The following SEMA3D variants were observed in gnomAD, a reference collection of about 807,000 sequenced individuals.
SEMA3D encodes semaphorin 3D.
Under a neutral mutation model 100.1 loss-of-function variants are expected in SEMA3D, and 84 were observed. The ratio of observed to expected loss-of-function variants is 0.84; its 90% CI spans 0.70 to 1.01. The LOEUF (loss-of-function observed/expected upper bound fraction) is 1.01. Ranked by LOEUF, SEMA3D falls within the 50% of genes least tolerant of loss-of-function variation. The probability of loss-of-function intolerance (pLI) is 0.00; values close to 1 mark genes in which losing one functional copy is unlikely to be tolerated. For synonymous variants in SEMA3D, 312 were observed against 320.7 expected (o/e 0.97, Z 0.29); for missense variants, 875 against 934.1 (o/e 0.94, Z 0.82).
At chr7:85,140,749 G>T in intron 2 of SEMA3D, 1 of 974,540 alleles carries the variant, frequency 1.0e-6, no homozygotes, top group Non-Finnish European at 1.2e-6. Flanking sequence ...CTGGGGATTG[G>T]CCTAATAATG....
chr7:85,060,677 A>T (rs2286190), intron 8 of SEMA3D, among the ~76,000 whole-genome samples: 52,877 of 151,540 alleles, frequency 0.35, 10,103 homozygotes, highest in African/African-American at 0.53. Flanking sequence ...TCCCTATGAA[A>T]CTCTTTTCAC....
chr7:85,154,826 T>C (rs1790536788), intron 1 of SEMA3D, among the ~76,000 whole-genome samples: 1 of 152,092 alleles, frequency 6.6e-6, no homozygotes, highest in South Asian at 2.1e-4. Flanking sequence ...GAACACATAA[T>C]CTAAAGAGAA....
At chr7:85,136,198 C>T (rs181045639) in intron 2 of SEMA3D, among the ~76,000 whole-genome samples, 2 of 152,080 alleles carry the variant, frequency 1.3e-5, no homozygotes, top group Non-Finnish European at 2.9e-5. Flanking sequence ...GCAACGAATT[C>T]TTGATTATAA....
the SEMA3D span, among the ~76,000 whole-genome samples, chr7:85,239,737 C>T: frequency 6.6e-6 from 1 of 152,160 alleles, no homozygotes; most frequent in South Asian, 2.1e-4. Flanking sequence ...CAGTTGTAGT[C>T]GATAGCTACT....
chr7:84,998,050 A>G lies in SEMA3D; in HGVS notation c.*1390T>C, dbSNP rs555863119. 1 of 152,308 alleles carries G rather than the reference A, an allele frequency of 6.6e-6. No homozygotes were observed. Among genetic ancestry groups the G allele is most frequent in the South Asian group, 2.1e-4 (1 of 4,832 alleles). The allele number at this position is 152,308 out of a possible 1,614,324, so 9.4% of individuals were successfully genotyped here. A position where few individuals can be genotyped will look rare whatever the true frequency, so the allele number is the denominator to read the frequency against. On this transcript the variant is annotated 3_prime_UTR_variant, in exon 19 of 19. Transcript: ENST00000284136. ...TTTATTGTTAAATTACAAAAACAAT[A>G]CTACAATTACAACAGATTAACTCAG...
intron 3 of SEMA3D, among the ~76,000 whole-genome samples, chr7:85,107,832 T>G (rs1562821179): frequency 6.6e-6 from 1 of 152,068 alleles, no homozygotes; most frequent in Non-Finnish European, 1.5e-5. Flanking sequence ...TTCTCCGTTC[T>G]TGAATATATT....
At chr7:85,184,171 A>G (rs1185169410) in intron 1 of SEMA3D, among the ~76,000 whole-genome samples, 2 of 152,206 alleles carry the variant, frequency 1.3e-5, no homozygotes, top group African/African-American at 2.4e-5. Context: ...CCACATGTAA[A>G]TGATAACAGA....
intron 3 of SEMA3D, among the ~76,000 whole-genome samples, chr7:85,115,292 A>G (rs1398405436): frequency 1.3e-5 from 2 of 152,116 alleles, no homozygotes; most frequent in Non-Finnish European, 2.9e-5. Context: ...AAACTGCTCA[A>G]TCTCTCAGTA....
intron 12 of SEMA3D, 65 bp from the exon 13 acceptor site, chr7:85,022,678 C>T: frequency 9.7e-7 from 1 of 1,032,378 alleles, no homozygotes. Context: ...ACACTTATTT[C>T]CAATAAAATT....
the SEMA3D span, among the ~76,000 whole-genome samples, chr7:85,202,109 C>G: frequency 6.6e-6 from 1 of 150,960 alleles, no homozygotes. Flanking sequence ...GCACATTGTG[C>G]AGGTTAGTTA....
At chr7:85,204,169 A>G in the SEMA3D span, among the ~76,000 whole-genome samples, 1 of 152,208 alleles carries the variant, frequency 6.6e-6, no homozygotes, top group Non-Finnish European at 1.5e-5. Flanking sequence ...GTAACACTGG[A>G]AAGGAAGAGA....
At chr7:85,047,295 A>G (rs1014745012) in intron 9 of SEMA3D, among the ~76,000 whole-genome samples, 2 of 151,916 alleles carry the variant, frequency 1.3e-5, no homozygotes, top group African/African-American at 4.8e-5. Context: ...CATAGCATCT[A>G]CTGATAGGTA....
At chr7:85,232,347 G>C in the SEMA3D span, among the ~76,000 whole-genome samples, 1 of 152,196 alleles carries the variant, frequency 6.6e-6, no homozygotes, top group Non-Finnish European at 1.5e-5. Context: ...CAATCACTTA[G>C]TCTGGAACAC....
intron 1 of SEMA3D, among the ~76,000 whole-genome samples, chr7:85,169,330 A>C (rs564043950): frequency 5.3e-5 from 8 of 151,956 alleles, no homozygotes; most frequent in African/African-American, 1.9e-4. Context: ...GCACTAATTT[A>C]ATATATTTAG....
intron 6 of SEMA3D, 133 bp from the exon 7 acceptor site, chr7:85,068,417 T>C: frequency 1.7e-6 from 1 of 596,952 alleles, no homozygotes; most frequent in South Asian, 2.1e-5. Context: ...TGCATAATGC[T>C]GAACTCCTTA....
the SEMA3D span, among the ~76,000 whole-genome samples, chr7:85,231,498 A>G: frequency 2.5e-5 from 2 of 81,080 alleles, no homozygotes; most frequent in Admixed American, 3.8e-4. Context: ...CCCAGGCTGG[A>G]GTGCAGTAGT....
At position 85,149,685 on chromosome 7, in the gene SEMA3D, G is replaced by C. The variant is rs914072988; in HGVS notation, c.-41+3923C>G. ...ACTGAGCTTTTATAGTAGACTTACA[G>C]TGCTTCCATTCACTTCCACCATGTC... On this transcript the variant is annotated intron_variant, in intron 2 of 18. Transcript: ENST00000284136. Among the ~76,000 whole-genome samples the C allele has an allele frequency of 2.0e-5, 3 of 152,248 alleles. No homozygotes were observed. The South Asian group carries it at 6.2e-4, about 32-fold the overall frequency.
intron 8 of SEMA3D, among the ~76,000 whole-genome samples, chr7:85,057,095 A>C (rs1289125626): frequency 6.6e-6 from 1 of 152,058 alleles, no homozygotes; most frequent in African/African-American, 2.4e-5. Flanking sequence ...TTAAAAATTT[A>C]GTAGATCTGT....
intron 2 of SEMA3D, among the ~76,000 whole-genome samples, chr7:85,139,383 A>G (rs2116457138): frequency 6.6e-6 from 1 of 152,234 alleles, no homozygotes; most frequent in East Asian, 1.9e-4. Flanking sequence ...ATGTAGCAAA[A>G]ATATCGTTAT....
Sources: allele counts gnomAD v4.1 joint callset (sites outside exome capture counted in the v4.1 genomes callset), GRCh38; gene constraint gnomAD v4.1.1; transcripts MANE v1.5; gene names NCBI Gene and HGNC (gene_info 2026-07-23, HGNC 2026-07-21).